GLP2R: variants seen among roughly 807,000 people sequenced by gnomAD.
GLP2R encodes the protein glucagon-like peptide 2 receptor.
GLP2R carries 59 observed loss-of-function variants against 68.2 expected under a neutral mutation model. The observed-to-expected ratio is 0.87, with a 90% CI of 0.70 to 1.07. The LOEUF (loss-of-function observed/expected upper bound fraction) is 1.07, where lower values mean the gene tolerates loss of function less well. Among genes scored for constraint, GLP2R ranks in the 50% least tolerant of loss-of-function variants. The pLI is 0.00. For synonymous variants in GLP2R, 270 were observed against 265.4 expected (o/e 1.02, Z -0.17); for missense variants, 548 against 677.4 (o/e 0.81, Z 2.12).
rs146242583 is a variant in GLP2R, at chr17:9,889,544, C to A, written c.1501C>A (p.Arg501=). ...GCTGCAGCCCTCACTTAACAGTGGG[C>A]GGCTCCTACATCTAGCCATGCGAGG... is the stretch of plus-strand genomic sequence containing the variant. ...RKLQPSLNSG[R]LLHLAMRGLG... Residue 501 remains arginine, a synonymous_variant, in exon 13 of 13, where the codon CGG becomes AGG. Transcript: ENST00000262441. The A allele has an allele frequency of 3.1e-6, 5 of 1,614,042 alleles. No individual in the cohort carries two copies. The highest frequency in any genetic ancestry group is 2.5e-6 in the Non-Finnish European group (3 of 1,180,002).
At chr17:9,843,153 C>T (rs1007664322) in intron 4 of GLP2R, among the ~76,000 whole-genome samples, 2 of 152,100 alleles carry the variant, frequency 1.3e-5, no homozygotes, top group Non-Finnish European at 2.9e-5. Context: ...TTGTGTGCCT[C>T]GAGGGAGTGG....
At chr17:9,871,521 A>G (rs1323458924) in intron 10 of GLP2R, among the ~76,000 whole-genome samples, 8 of 152,084 alleles carry the variant, frequency 5.3e-5, no homozygotes, top group Admixed American at 2.0e-4. Context: ...AAGGAAAGAC[A>G]TCCTTCCACA....
At chr17:9,850,219 T>A (rs935069186) in intron 4 of GLP2R, among the ~76,000 whole-genome samples, 1 of 152,202 alleles carries the variant, frequency 6.6e-6, no homozygotes, top group Non-Finnish European at 1.5e-5. Context: ...GCTGGAGACC[T>A]GATGTTTTGG....
Position 9,868,359 on chromosome 17 carries a change from G to A in GLP2R, c.1057-2388G>A, listed in dbSNP as rs148721689. 2.3e-3 allele frequency among the ~76,000 whole-genome samples: 345 copies of A among 152,270 alleles called. 2 individuals carry two copies. The highest frequency in any genetic ancestry group is 7.9e-3 in the African/African-American group (327 of 41,558). On this transcript the variant is annotated intron_variant, in intron 9 of 12. Transcript: ENST00000262441. ...CCTACCCCTGAGCTCCCGCTATACC[G>A]GCAATCACCTCTGCCAACTTGTAGG...
At chr17:9,876,128 C>T (rs1240515974) in intron 10 of GLP2R, among the ~76,000 whole-genome samples, 1 of 152,166 alleles carries the variant, frequency 6.6e-6, no homozygotes, top group African/African-American at 2.4e-5. Flanking sequence ...TCGCCCACCT[C>T]GGCCTCCCAA....
chr17:9,861,898 G>T (rs893236811), intron 8 of GLP2R, 123 bp from the exon 9 acceptor site: 1 of 745,176 alleles, frequency 1.3e-6, no homozygotes, highest in South Asian at 1.5e-5. Flanking sequence ...CCCCTCAGGG[G>T]ACTGATTGGT....
At chr17:9,841,691 C>A (rs2066788854) in intron 3 of GLP2R, among the ~76,000 whole-genome samples, 1 of 152,108 alleles carries the variant, frequency 6.6e-6, no homozygotes, top group African/African-American at 2.4e-5. Context: ...CAATTAGACA[C>A]CCTACCTAGC....
At chr17:9,838,648 T>C (rs2066756180) in intron 3 of GLP2R, among the ~76,000 whole-genome samples, 1 of 151,806 alleles carries the variant, frequency 6.6e-6, no homozygotes, top group African/African-American at 2.4e-5. Context: ...AAAAAATAGG[T>C]TTTGGGCTTC....
At chr17:9,853,822 C>G (rs1214953892) in intron 4 of GLP2R, among the ~76,000 whole-genome samples, 1 of 152,194 alleles carries the variant, frequency 6.6e-6, no homozygotes, top group South Asian at 2.1e-4. Context: ...TACATGAACT[C>G]TCCAGAAAAT....
chr17:9,865,751 G>A, intron 9 of GLP2R: 2 of 463,610 alleles, frequency 4.3e-6, no homozygotes, highest in South Asian at 1.6e-5. Flanking sequence ...TAAGTCAACA[G>A]GCATGCCTAG....
At chr17:9,847,029 G>C (rs1212279897) in intron 4 of GLP2R, among the ~76,000 whole-genome samples, 1 of 152,240 alleles carries the variant, frequency 6.6e-6, no homozygotes, top group Non-Finnish European at 1.5e-5. Flanking sequence ...GTTAACACTT[G>C]CCAATTTTGG....
intron 10 of GLP2R, among the ~76,000 whole-genome samples, chr17:9,879,177 G>A (rs146655196): frequency 1.4e-4 from 22 of 151,806 alleles, no homozygotes; most frequent in African/African-American, 4.8e-4. Context: ...CACTTCGGGA[G>A]ACTGAGGCAG....
intron 1 of GLP2R, among the ~76,000 whole-genome samples, chr17:9,830,543 G>A (rs1404958691): frequency 2.0e-5 from 3 of 152,094 alleles, no homozygotes; most frequent in African/African-American, 7.2e-5. Flanking sequence ...TGAAATCAAG[G>A]GATAAATGCC....
intron 2 of GLP2R, among the ~76,000 whole-genome samples, chr17:9,836,151 C>T (rs776278593): frequency 4.6e-5 from 7 of 152,104 alleles, no homozygotes; most frequent in Non-Finnish European, 7.3e-5. Flanking sequence ...GTTGGGCAGA[C>T]GAATGCACAT....
chr17:9,848,472 T>G (rs1234395644), intron 4 of GLP2R, among the ~76,000 whole-genome samples: 1 of 152,126 alleles, frequency 6.6e-6, no homozygotes, highest in Non-Finnish European at 1.5e-5. Context: ...CCCCAGATGA[T>G]TCTAATATGC....
rs1221176766 is a variant in GLP2R at position 9,842,991 on chromosome 17, GCCCTC to G, written c.504+376_504+380del. Among the ~76,000 whole-genome samples, 5 of 152,238 alleles carry G rather than the reference GCCCTC, an allele frequency of 3.3e-5. No individual in the cohort carries two copies. In the East Asian group the frequency reaches 9.7e-4, roughly 30 times the overall value. ...TCCAGGGTCACCTAATCCAGAGAGT[GCCCTC>G]TATGGTTGCCACATCCCCCCGACCC... On this transcript the variant is annotated intron_variant, in intron 4 of 12. Coordinates refer to ENST00000262441, the MANE Select transcript of GLP2R (RefSeq NM_004246.3).
intron 9 of GLP2R, among the ~76,000 whole-genome samples, chr17:9,865,631 A>G (rs2067028771): frequency 1.3e-5 from 2 of 152,116 alleles, no homozygotes; most frequent in Non-Finnish European, 2.9e-5. Flanking sequence ...ATAAGCCTCA[A>G]GTGCCTGTTG....
intron 9 of GLP2R, 100 bp from the exon 10 acceptor site, chr17:9,870,647 T>C (rs550636888): frequency 6.5e-5 from 47 of 724,414 alleles, no homozygotes; most frequent in Admixed American, 2.5e-4. Context: ...CTGGTTTACA[T>C]TGAACTGATG....
chr17:9,827,698 C>T (rs1217854774), intron 1 of GLP2R, among the ~76,000 whole-genome samples: 1 of 152,162 alleles, frequency 6.6e-6, no homozygotes, highest in Admixed American at 6.5e-5. Flanking sequence ...CACGGTAGCT[C>T]ACGCCTGTAA....
Sources: allele counts gnomAD v4.1 joint callset (sites outside exome capture counted in the v4.1 genomes callset), GRCh38; gene constraint gnomAD v4.1.1; transcripts MANE v1.5; gene names NCBI Gene and HGNC (gene_info 2026-07-23, HGNC 2026-07-21).